Variants in KCNH8 observed in about 807,000 individuals in gnomAD.
KCNH8 encodes potassium voltage-gated channel subfamily H member 8.
A neutral mutation model predicts 103.6 loss-of-function variants in KCNH8; 70 were observed. That is an observed-to-expected ratio of 0.68 (90% CI 0.56 to 0.82). The LOEUF (loss-of-function observed/expected upper bound fraction) is 0.82. Among genes scored for constraint, KCNH8 ranks in the 40% least tolerant of loss-of-function variants. The pLI, the probability that KCNH8 is intolerant of heterozygous loss-of-function variation, is 0.00. For synonymous variants in KCNH8, 498 were observed against 489.4 expected, an observed-to-expected ratio of 1.02 and a Z score of -0.23; for missense variants, 1,217 against 1,329.9, an observed-to-expected ratio of 0.92 and a Z score of 1.32.
chr3:19,514,163 T>C (rs1388384628), intron 13 of KCNH8, among the ~76,000 whole-genome samples: 1 of 152,102 alleles, frequency 6.6e-6, no homozygotes, highest in African/African-American at 2.4e-5. Flanking sequence ...ATCTCAGAGA[T>C]ATTAAGTATT....
chr3:19,492,883 GTGA>G (rs1381232869), intron 11 of KCNH8, among the ~76,000 whole-genome samples: 1 of 83,504 alleles, frequency 1.2e-5, no homozygotes, highest in East Asian at 3.8e-4. Flanking sequence ...GTGTGTGTGT[GTGA>G]TTTCTGACTT....
chr3:19,532,712 AC>A (rs2069184195), intron 15 of KCNH8, among the ~76,000 whole-genome samples: 1 of 152,224 alleles, frequency 6.6e-6, no homozygotes, highest in African/African-American at 2.4e-5. Context: ...TATCATCAGT[AC>A]TTTAGAGATG....
At chr3:19,234,604 T>C (rs151238986) in intron 1 of KCNH8, among the ~76,000 whole-genome samples, 2,144 of 152,190 alleles carry the variant, frequency 0.014, 54 homozygotes, top group African/African-American at 0.049. Context: ...GCAGGCCCGG[T>C]TCCCGCCCGC....
intron 11 of KCNH8, among the ~76,000 whole-genome samples, chr3:19,495,833 A>G (rs1337899017): frequency 6.6e-6 from 1 of 152,084 alleles, no homozygotes; most frequent in African/African-American, 2.4e-5. Flanking sequence ...AATCATGAGC[A>G]TGGAGTGTTT....
rs542272339 is a variant in KCNH8 at position 19,271,579 on chromosome 3, G to A, written c.311-9619G>A. 7.2e-5 allele frequency among the ~76,000 whole-genome samples: 11 copies of A among 152,176 alleles called. No homozygotes were observed. The South Asian group carries it at 2.1e-3, about 29-fold the overall frequency. On this transcript the variant is annotated intron_variant, in intron 2 of 15. Transcript: ENST00000328405. Reference sequence around the variant, plus strand: ...TTGTTTTTATGGTTAAATAAATGAAGCATTACATATACAGGTAAAGCCCTT... The same window carrying A: ...TTGTTTTTATGGTTAAATAAATGAAACATTACATATACAGGTAAAGCCCTT...
chr3:19,335,747 T>A (rs181160438), intron 3 of KCNH8, among the ~76,000 whole-genome samples: 1 of 151,804 alleles, frequency 6.6e-6, no homozygotes, highest in Non-Finnish European at 1.5e-5. Context: ...TTTTTACTAC[T>A]TTTTGGAACT....
chr3:19,301,859 G>A (rs1375110612), intron 3 of KCNH8, among the ~76,000 whole-genome samples: 2 of 152,144 alleles, frequency 1.3e-5, no homozygotes, highest in African/African-American at 2.4e-5. Context: ...GAACTCAGGG[G>A]CACACTTTAT....
intron 3 of KCNH8, among the ~76,000 whole-genome samples, chr3:19,310,356 T>C (rs2065192064): frequency 6.6e-6 from 1 of 151,930 alleles, no homozygotes; most frequent in South Asian, 2.1e-4. Flanking sequence ...ATTTAATATA[T>C]AGCAACTTAC....
chr3:19,314,577 A>G (rs544658341), intron 3 of KCNH8, among the ~76,000 whole-genome samples: 7 of 151,934 alleles, frequency 4.6e-5, no homozygotes, highest in African/African-American at 1.7e-4. Context: ...CTCTAAACAA[A>G]CAAACAAACA....
chr3:19,206,900 T>C (rs2063722339), intron 1 of KCNH8, among the ~76,000 whole-genome samples: 1 of 151,802 alleles, frequency 6.6e-6, no homozygotes, highest in Admixed American at 6.6e-5. Flanking sequence ...ATGGAAAATA[T>C]CGGAAGAAGA....
intron 1 of KCNH8, among the ~76,000 whole-genome samples, chr3:19,186,863 T>C (rs2063507336): frequency 6.6e-6 from 1 of 152,030 alleles, no homozygotes; most frequent in South Asian, 2.1e-4. Flanking sequence ...CAGTAATGTT[T>C]TCTGCTTCTT....
At chr3:19,358,853 A>G (rs186554026) in intron 5 of KCNH8, among the ~76,000 whole-genome samples, 61 of 151,992 alleles carry the variant, frequency 4.0e-4, no homozygotes, top group African/African-American at 1.3e-3. Flanking sequence ...AAAATTTTTA[A>G]AGGAACTGTG....
At chr3:19,154,482 A>G (rs2125180754) in intron 1 of KCNH8, among the ~76,000 whole-genome samples, 1 of 152,318 alleles carries the variant, frequency 6.6e-6, no homozygotes, top group Middle Eastern at 3.4e-3. Context: ...AACTTCCAAA[A>G]TGCTCAACCT....
At chr3:19,304,852 A>G (rs1428158750) in intron 3 of KCNH8, among the ~76,000 whole-genome samples, 2 of 152,108 alleles carry the variant, frequency 1.3e-5, no homozygotes, top group African/African-American at 4.8e-5. Flanking sequence ...TTTTATATCT[A>G]TCAATTTAAA....
intron 8 of KCNH8, among the ~76,000 whole-genome samples, chr3:19,447,018 GC>G (rs1346827049): frequency 5.3e-5 from 8 of 151,934 alleles, no homozygotes; most frequent in African/African-American, 1.9e-4. Context: ...AAAAAGAGAC[GC>G]CCACACACTC....
chr3:19,396,871 T>G (rs1360845049), intron 7 of KCNH8, among the ~76,000 whole-genome samples: 1 of 152,008 alleles, frequency 6.6e-6, no homozygotes, highest in Non-Finnish European at 1.5e-5. Context: ...CATATTAAAA[T>G]TCTGACTTGT....
chr3:19,479,874 C>T (rs77655087), intron 11 of KCNH8, among the ~76,000 whole-genome samples: 10,985 of 152,192 alleles, frequency 0.072, 808 homozygotes, highest in East Asian at 0.26. Context: ...TGATCTCTTT[C>T]TCTGAATGGG....
chr3:19,419,194 G>GTTTTTTTTTTTTTTTTTTTTTTTTTT lies in KCNH8; in HGVS notation c.1178-18970_1178-18969insTTTTTTTTTTTTTTTTTTTTTTTTTT, dbSNP rs1491504046. On this transcript the variant is annotated intron_variant, in intron 7 of 15. Coordinates refer to ENST00000328405, the MANE Select transcript of KCNH8 (RefSeq NM_144633.3). ...AAAAAGAAGTAATTAAAATGGTTTT[G>GTTTTTTTTTTTTTTTTTTTTTTTTTT]GTTTTTTTTTTTTTTTTTTTTTTGA... is the stretch of plus-strand genomic sequence containing the variant. Among the ~76,000 whole-genome samples the GTTTTTTTTTTTTTTTTTTTTTTTTTT allele has an allele frequency of 3.1e-5, 2 of 64,118 alleles. 1 individual carries two copies. The allele number at this position is 64,118 out of a possible 152,430, so 42.1% of individuals were successfully genotyped here. A position where few individuals can be genotyped will look rare whatever the true frequency, so the allele number is the denominator to read the frequency against.
chr3:19,352,102 A>G lies in KCNH8; in HGVS notation c.811+4137A>G, dbSNP rs567510932. ...GGTTGGAATCCTAGTCTCTGATAAAACAGACTTTAAACCAACAAAGATCAA... is the reference window on the plus strand; with the variant it reads ...GGTTGGAATCCTAGTCTCTGATAAAGCAGACTTTAAACCAACAAAGATCAA... On this transcript the variant is annotated intron_variant, in intron 5 of 15. Coordinates refer to ENST00000328405, the MANE Select transcript of KCNH8 (RefSeq NM_144633.3). 2.0e-5 allele frequency among the ~76,000 whole-genome samples: 3 copies of G among 152,298 alleles called. No homozygotes were observed. The East Asian group carries it at 5.8e-4, about 29-fold the overall frequency.
Sources: allele counts gnomAD v4.1 joint callset (sites outside exome capture counted in the v4.1 genomes callset), GRCh38; gene constraint gnomAD v4.1.1; transcripts MANE v1.5; gene names NCBI Gene and HGNC (gene_info 2026-07-23, HGNC 2026-07-21).